ADCK1: variants seen among roughly 807,000 people sequenced by gnomAD.
ADCK1 encodes the protein aarF domain-containing protein kinase 1.
Under a neutral mutation model 52.3 loss-of-function variants are expected in ADCK1, and 41 were observed. That is an observed-to-expected ratio of 0.78 (90% CI 0.61 to 1.02). ADCK1 has a LOEUF of 1.02. Ranked by LOEUF, ADCK1 falls within the 50% of genes least tolerant of loss-of-function variation. The pLI is 0.00. For missense variants in ADCK1, 658 were observed against 679.5 expected (o/e 0.97, Z 0.35); for synonymous variants, 250 against 274.6 (o/e 0.91, Z 0.89).
chr14:77,840,003 C>T (rs954689207), intron 3 of ADCK1, among the ~76,000 whole-genome samples: 30 of 151,176 alleles, frequency 2.0e-4, no homozygotes, highest in African/African-American at 7.3e-4. Context: ...AATGGTCAGC[C>T]AAGGAGGTGG....
At chr14:77,901,081 G>T (rs866970798) in intron 6 of ADCK1, among the ~76,000 whole-genome samples, 43 of 144,726 alleles carry the variant, frequency 3.0e-4, no homozygotes, top group Admixed American at 8.0e-4. Context: ...GTCTCGCTCT[G>T]TTGCCCAGAC....
chr14:77,802,399 G>A (rs929988124), intron 1 of ADCK1, among the ~76,000 whole-genome samples: 1 of 152,148 alleles, frequency 6.6e-6, no homozygotes, highest in Admixed American at 6.5e-5. Context: ...TTCCTTGCCT[G>A]GGTGAGAATT....
At chr14:77,922,861 C>A (rs986811007) in intron 7 of ADCK1, among the ~76,000 whole-genome samples, 1 of 152,060 alleles carries the variant, frequency 6.6e-6, no homozygotes, top group African/African-American at 2.4e-5. Context: ...TAATTTGGGG[C>A]AAATTATAAT....
At chr14:77,815,847 G>A (rs1485801623) in intron 1 of ADCK1, among the ~76,000 whole-genome samples, 4 of 128,566 alleles carry the variant, frequency 3.1e-5, no homozygotes, top group African/African-American at 9.0e-5. Context: ...ATGGAGTCTC[G>A]TTCTGTTGCC....
At chr14:77,845,295 T>C (rs2082152654) in intron 3 of ADCK1, among the ~76,000 whole-genome samples, 1 of 152,276 alleles carries the variant, frequency 6.6e-6, no homozygotes, top group Admixed American at 6.5e-5. Context: ...TAACTTCATC[T>C]TTAAAAGAGA....
chr14:77,904,429 G>A (rs185641032), intron 6 of ADCK1, among the ~76,000 whole-genome samples: 6 of 152,378 alleles, frequency 3.9e-5, no homozygotes, highest in African/African-American at 7.2e-5. Flanking sequence ...CAAATCTGCC[G>A]GTCTGACTGC....
chr14:77,815,769 G>A (rs1415417285), intron 1 of ADCK1, among the ~76,000 whole-genome samples: 5 of 149,012 alleles, frequency 3.4e-5, no homozygotes, highest in Non-Finnish European at 7.4e-5. Flanking sequence ...TGCCTGCCTT[G>A]GCCTCCCAAA....
chr14:77,810,623 C>T (rs1394837201), intron 1 of ADCK1, among the ~76,000 whole-genome samples: 4 of 151,826 alleles, frequency 2.6e-5, no homozygotes, highest in African/African-American at 4.8e-5. Context: ...CTATGCCTCC[C>T]GGGTTCACGC....
intron 1 of ADCK1, among the ~76,000 whole-genome samples, chr14:77,803,162 C>G (rs1444053802): frequency 6.6e-6 from 1 of 152,130 alleles, no homozygotes; most frequent in Non-Finnish European, 1.5e-5. Context: ...AAGACCCTAT[C>G]ACTCTCTCCA....
chr14:77,861,311 C>G (rs1452132544), intron 4 of ADCK1, among the ~76,000 whole-genome samples: 1 of 152,186 alleles, frequency 6.6e-6, no homozygotes, highest in Admixed American at 6.5e-5. Flanking sequence ...CTCCTCCTCC[C>G]CCTTGGAAGA....
chr14:77,841,818 TGAGTGACA>T lies in ADCK1; in HGVS notation c.220-17241_220-17234del, dbSNP rs1203181243. ...GAGATCACACCACTGCACTCCAGCC[TGAGTGACA>T]GAGTGACAGAGTGACACTCTTTAAA... On this transcript the variant is annotated intron_variant, in intron 3 of 10. Coordinates refer to ENST00000238561, the MANE Select transcript of ADCK1 (RefSeq NM_020421.4). Among the ~76,000 whole-genome samples the T allele has an allele frequency of 1.2e-4, 16 of 135,330 alleles. No individual in the cohort carries two copies. In the East Asian group the frequency reaches 1.5e-3, roughly 13 times the overall value. The allele number at this position is 135,330 out of a possible 152,430, so 88.8% of individuals were successfully genotyped here.
intron 3 of ADCK1, chr14:77,827,739 T>C (rs1324683332): frequency 5.5e-6 from 2 of 360,366 alleles, no homozygotes; most frequent in Non-Finnish European, 1.1e-5. Context: ...CTGGGTAGAA[T>C]TGGAGCCATT....
At chr14:77,802,075 T>C (rs539637536) in intron 1 of ADCK1, among the ~76,000 whole-genome samples, 1 of 152,192 alleles carries the variant, frequency 6.6e-6, no homozygotes, top group South Asian at 2.1e-4. Flanking sequence ...CTGCTTGTTC[T>C]TGTGCACTTT....
intron 3 of ADCK1, among the ~76,000 whole-genome samples, chr14:77,846,443 C>T (rs2082175440): frequency 6.6e-6 from 1 of 152,304 alleles, no homozygotes; most frequent in African/African-American, 2.4e-5. Flanking sequence ...CCATGACTGT[C>T]CTGGAAGCCA....
At chr14:77,839,338 C>T (rs1405321096) in intron 3 of ADCK1, among the ~76,000 whole-genome samples, 1 of 152,154 alleles carries the variant, frequency 6.6e-6, no homozygotes, top group Non-Finnish European at 1.5e-5. Context: ...GAAAGCCTCC[C>T]TTCCCATGGC....
intron 5 of ADCK1, among the ~76,000 whole-genome samples, chr14:77,895,055 T>C (rs562131870): frequency 6.6e-6 from 1 of 152,344 alleles, no homozygotes; most frequent in South Asian, 2.1e-4. Context: ...GCTTGGCCCA[T>C]TGACTAGTTT....
intron 3 of ADCK1, among the ~76,000 whole-genome samples, chr14:77,839,422 T>C (rs777172564): frequency 6.6e-6 from 1 of 151,990 alleles, no homozygotes; most frequent in Non-Finnish European, 1.5e-5. Flanking sequence ...GAGCTCAGGA[T>C]CTGGATGGGG....
chr14:77,916,809 G>T (rs1346426767), intron 7 of ADCK1, among the ~76,000 whole-genome samples: 1 of 152,208 alleles, frequency 6.6e-6, no homozygotes, highest in African/African-American at 2.4e-5. Context: ...CTCAGCATTT[G>T]TTAGTCCAAG....
At chr14:77,804,528 G>A (rs1225083812) in intron 1 of ADCK1, among the ~76,000 whole-genome samples, 1 of 152,070 alleles carries the variant, frequency 6.6e-6, no homozygotes, top group Non-Finnish European at 1.5e-5. Flanking sequence ...CAAGGGTAGG[G>A]GTGGCCTCAT....
Sources: gnomAD v4.1 joint callset for allele counts (sites outside exome capture counted in the v4.1 genomes callset) on GRCh38, gnomAD v4.1.1 for gene constraint, MANE v1.5 for transcripts, NCBI Gene and HGNC (gene_info 2026-07-23, HGNC 2026-07-21) for gene names.